The following DGKB variants were observed in gnomAD, a reference collection of about 807,000 sequenced individuals.
DGKB encodes the protein 90 kDa diacylglycerol kinase.
DGKB carries 67 observed loss-of-function variants against 114.3 expected under a neutral mutation model. That is an observed-to-expected ratio of 0.59 (90% CI 0.48 to 0.72). The LOEUF (loss-of-function observed/expected upper bound fraction) is 0.72. Among genes scored for constraint, DGKB ranks in the 30% least tolerant of loss-of-function variants. The pLI is 0.00. For missense variants in DGKB, 907 were observed against 975.2 expected, an observed-to-expected ratio of 0.93 and a Z score of 0.93; for synonymous variants, 398 against 323.1, an observed-to-expected ratio of 1.23 and a Z score of -2.49.
intron 21 of DGKB, among the ~76,000 whole-genome samples, chr7:14,387,609 G>A (rs1583574100): frequency 6.6e-6 from 1 of 151,906 alleles, no homozygotes; most frequent in African/African-American, 2.4e-5. Context: ...TAGAGACGGG[G>A]TCTCACTATG....
intron 8 of DGKB, among the ~76,000 whole-genome samples, chr7:14,697,816 GGAAAGGAGAGAGAGA>G (rs1824289020): frequency 7.1e-6 from 1 of 140,784 alleles, no homozygotes; most frequent in African/African-American, 2.7e-5. Context: ...GAGAAAGAAA[GGAAAGGAGAGAGAGA>G]GAAGGAAGGA....
At chr7:14,779,565 T>C (rs1349584004) in intron 2 of DGKB, among the ~76,000 whole-genome samples, 2 of 152,136 alleles carry the variant, frequency 1.3e-5, no homozygotes, top group African/African-American at 2.4e-5. Flanking sequence ...TTCAGCTAGT[T>C]TAAGCAAAAT....
At chr7:14,549,593 G>A (rs1189351762) in intron 20 of DGKB, among the ~76,000 whole-genome samples, 2 of 152,042 alleles carry the variant, frequency 1.3e-5, no homozygotes, top group Non-Finnish European at 2.9e-5. Flanking sequence ...AAACTTTGTT[G>A]AGCGATAAAG....
chr7:14,684,154 A>G (rs779244838), intron 10 of DGKB, among the ~76,000 whole-genome samples: 7 of 152,150 alleles, frequency 4.6e-5, no homozygotes, highest in Non-Finnish European at 8.8e-5. Context: ...AAATTCGTAA[A>G]TAGTTCAGAA....
chr7:14,303,976 A>G (rs1396186847), intron 23 of DGKB, among the ~76,000 whole-genome samples: 1 of 150,702 alleles, frequency 6.6e-6, no homozygotes, highest in African/African-American at 2.4e-5. Context: ...GGATTAGATA[A>G]TGCACTTCTC....
chr7:14,374,513 T>C (rs1330912554), intron 21 of DGKB, among the ~76,000 whole-genome samples: 1 of 152,148 alleles, frequency 6.6e-6, no homozygotes, highest in Admixed American at 6.6e-5. Flanking sequence ...TCCACCTGTC[T>C]CCTATACCCT....
At chr7:14,660,186 A>G (rs1563826036) in intron 13 of DGKB, among the ~76,000 whole-genome samples, 1 of 151,930 alleles carries the variant, frequency 6.6e-6, no homozygotes, top group Non-Finnish European at 1.5e-5. Flanking sequence ...ATATTGGTCT[A>G]AAATTCTCTT....
At chr7:14,698,554 T>C (rs1396727054) in intron 7 of DGKB, among the ~76,000 whole-genome samples, 1 of 152,144 alleles carries the variant, frequency 6.6e-6, no homozygotes, top group Non-Finnish European at 1.5e-5. Context: ...ACAAATCATT[T>C]GAGGACAACT....
At chr7:14,172,553 A>G (rs922373978) in intron 25 of DGKB, among the ~76,000 whole-genome samples, 1 of 152,188 alleles carries the variant, frequency 6.6e-6, no homozygotes, top group Non-Finnish European at 1.5e-5. Context: ...CTAGCTTAGG[A>G]AACACCAGGT....
intron 2 of DGKB, among the ~76,000 whole-genome samples, chr7:14,764,081 T>C (rs980385717): frequency 6.6e-6 from 1 of 152,072 alleles, no homozygotes; most frequent in African/African-American, 2.4e-5. Flanking sequence ...ATTCGTGGTA[T>C]AGAAGACTTT....
At chr7:14,440,043 G>T (rs1426151549) in intron 21 of DGKB, among the ~76,000 whole-genome samples, 1 of 151,948 alleles carries the variant, frequency 6.6e-6, no homozygotes, top group Admixed American at 6.6e-5. Context: ...TTCAAAAAAG[G>T]GTCCAGGGAA....
chr7:14,280,623 C>A (rs373409972), intron 23 of DGKB, among the ~76,000 whole-genome samples: 28 of 151,070 alleles, frequency 1.9e-4, no homozygotes, highest in East Asian at 6.0e-4. Context: ...AGGTCGGGTT[C>A]CCCTCAAAGG....
chr7:14,862,836 T>A (rs1586986658), intron 1 of DGKB, among the ~76,000 whole-genome samples: 2 of 152,144 alleles, frequency 1.3e-5, no homozygotes, highest in South Asian at 2.1e-4. Flanking sequence ...CTATTTTGGA[T>A]ATTTGTGTTT....
chr7:14,300,652 T>G (rs1353155312), intron 23 of DGKB, among the ~76,000 whole-genome samples: 1 of 152,122 alleles, frequency 6.6e-6, no homozygotes, highest in Non-Finnish European at 1.5e-5. Flanking sequence ...TTTTTGTTGG[T>G]TTTTTAAAGA....
chr7:14,585,973 T>C (rs75618413), intron 17 of DGKB, among the ~76,000 whole-genome samples: 119 of 152,240 alleles, frequency 7.8e-4, no homozygotes, highest in African/African-American at 2.8e-3. Flanking sequence ...TCAGGCCTCT[T>C]AATTCCCTTA....
rs35503614 is a variant in DGKB at position 14,236,344 on chromosome 7, T to TA, written c.2123-58194dup. Among the ~76,000 whole-genome samples the TA allele has an allele frequency of 1.7e-3, 145 of 86,704 alleles. 2 individuals are homozygous for TA. In the Middle Eastern group the frequency reaches 0.02, roughly 12 times the overall value. The allele number at this position is 86,704 out of a possible 152,430, so 56.9% of individuals were successfully genotyped here. ...AATGGAGAGTATTCATTCCAATTAA[T>TA]AAAAAAAAAGCTATTATTTCTGCCA... On this transcript the variant is annotated intron_variant, in intron 23 of 25. Transcript: ENST00000402815.
chr7:14,778,453 T>C (rs1463593519), intron 2 of DGKB, among the ~76,000 whole-genome samples: 1 of 152,222 alleles, frequency 6.6e-6, no homozygotes, highest in Non-Finnish European at 1.5e-5. Context: ...TAAATGAGCA[T>C]GCTAGGCTGC....
chr7:14,940,407 A>T (rs1785508769), intron 1 of DGKB, among the ~76,000 whole-genome samples: 1 of 151,988 alleles, frequency 6.6e-6, no homozygotes, highest in East Asian at 1.9e-4. Context: ...AATTGAGTAC[A>T]ATTTTTTTGT....
chr7:14,158,962 T>A (rs1423798750), intron 25 of DGKB, among the ~76,000 whole-genome samples: 1 of 152,170 alleles, frequency 6.6e-6, no homozygotes, highest in East Asian at 1.9e-4. Context: ...TTTACTACCA[T>A]GTTCTAAGGC....
Sources: gnomAD v4.1 joint callset for allele counts (sites outside exome capture counted in the v4.1 genomes callset) on GRCh38, gnomAD v4.1.1 for gene constraint, MANE v1.5 for transcripts, NCBI Gene and HGNC (gene_info 2026-07-23, HGNC 2026-07-21) for gene names.